PHF3: variants seen among roughly 807,000 people sequenced by gnomAD.
The protein encoded by PHF3 is PHD finger protein 3.
A neutral mutation model predicts 178.4 loss-of-function variants in PHF3; 41 were observed. The observed-to-expected ratio is 0.23, with a 90% CI of 0.18 to 0.30. The LOEUF is 0.30. Ranked by LOEUF, PHF3 falls within the 10% of genes least tolerant of loss-of-function variation. The probability of loss-of-function intolerance (pLI) is 1.00; values close to 1 mark genes in which losing one functional copy is unlikely to be tolerated. For missense variants in PHF3, 2,346 were observed against 2,398.1 expected (o/e 0.98, Z 0.45); for synonymous variants, 842 against 800.5 (o/e 1.05, Z -0.88).
chr6:63,698,932 AT>A (rs915029142), intron 8 of PHF3, among the ~76,000 whole-genome samples: 17 of 151,168 alleles, frequency 1.1e-4, no homozygotes, highest in South Asian at 2.1e-4. Flanking sequence ...TTATAACACT[AT>A]TTTTTTCTTA....
At chr6:63,682,927 A>C (rs934265962) in intron 3 of PHF3, among the ~76,000 whole-genome samples, 30 of 152,118 alleles carry the variant, frequency 2.0e-4, no homozygotes, top group Non-Finnish European at 3.4e-4. Context: ...ATAGAGCTGT[A>C]AATTACTATA....
At chr6:63,709,296 GT>G in intron 14 of PHF3, 56 bp downstream of exon 14, 1 of 1,178,930 alleles carries the variant, frequency 8.5e-7, no homozygotes, top group Non-Finnish European at 1.3e-6. Flanking sequence ...AAAGTAAACA[GT>G]TTAGAATTCT....
intron 11 of PHF3, 33 bp from the exon 12 acceptor site, chr6:63,705,996 C>T (rs1767672760): frequency 7.2e-6 from 11 of 1,518,460 alleles, no homozygotes; most frequent in Admixed American, 2.0e-5. Context: ...TTGTAGTTAA[C>T]AGTTGGTTTC....
At chr6:63,706,681 T>G in intron 12 of PHF3, 48 bp from the exon 13 acceptor site, 1 of 1,578,598 alleles carries the variant, frequency 6.3e-7, no homozygotes, top group Non-Finnish European at 8.7e-7. Context: ...GGTAGGACAT[T>G]GATTTATTCA....
rs1439815058 is a variant in PHF3 at position 63,723,157 on chromosome 6, C to A, written c.*9449C>A. Reference sequence around the variant, plus strand: ...AATAGTTTTAGCTTGAAAGCAAAAACTTTTTTCCTATAATGACATGAAAAT... The same window carrying A: ...AATAGTTTTAGCTTGAAAGCAAAAAATTTTTTCCTATAATGACATGAAAAT... On this transcript the variant is annotated 3_prime_UTR_variant, in exon 16 of 16. Transcript: ENST00000262043. 6.6e-6 allele frequency among the ~76,000 whole-genome samples: 1 copy of A among 152,102 alleles called. No homozygotes were observed. Among genetic ancestry groups the A allele is most frequent in the Non-Finnish European group, 1.5e-5 (1 of 67,996 alleles).
chr6:63,711,329 A>G lies in PHF3; in HGVS notation c.3964A>G (p.Ile1322Val), dbSNP rs1767917305. 2 of 1,612,648 alleles carry G rather than the reference A, an allele frequency of 1.2e-6. No individual in the cohort carries two copies. Among genetic ancestry groups the G allele is most frequent in the Non-Finnish European group, 1.7e-6 (2 of 1,179,400 alleles). ...YLIPLGATDK[I>V]PHPLVPFDGP... ...TATTCCTTTGGGTGCCACAGATAAAATTCCACACCCTCTTGTGCCTTTTGA... is the reference window on the plus strand; with the variant it reads ...TATTCCTTTGGGTGCCACAGATAAAGTTCCACACCCTCTTGTGCCTTTTGA... Residue 1322 changes from isoleucine to valine, a missense_variant, in exon 15 of 16, where the codon ATT (isoleucine) becomes GTT (valine). Ile to Val is a conservative substitution (Grantham distance 29). This residue lies in a region of PHF3 where 90 missense variants were observed against 136.6 expected (regional missense o/e 0.66). Transcript: ENST00000262043.
At chr6:63,669,999 A>G (rs1013102283) in intron 2 of PHF3, among the ~76,000 whole-genome samples, 8 of 151,964 alleles carry the variant, frequency 5.3e-5, no homozygotes, top group Admixed American at 6.6e-5. Flanking sequence ...TAAGGTTCAT[A>G]TCTTTAATCT....
At position 63,724,082 on chromosome 6, in the gene PHF3, C is replaced by T. The variant is rs1182980130; in HGVS notation, c.*10374C>T. ...TCGGCCTCCCAAAGTGGTGGGATTACAGGCATATGCCACTGCACCTGGCCT... is the reference window on the plus strand; with the variant it reads ...TCGGCCTCCCAAAGTGGTGGGATTATAGGCATATGCCACTGCACCTGGCCT... On this transcript the variant is annotated 3_prime_UTR_variant, in exon 16 of 16. Coordinates refer to ENST00000262043, the MANE Select transcript of PHF3 (RefSeq NM_001370348.2). Among the ~76,000 whole-genome samples, 1 of 152,166 alleles carries T rather than the reference C, an allele frequency of 6.6e-6. No individual in the cohort carries two copies. The highest frequency in any genetic ancestry group is 2.4e-5 in the African/African-American group (1 of 41,440).
At chr6:63,639,273 A>G (rs1454505882) in intron 1 of PHF3, among the ~76,000 whole-genome samples, 1 of 152,186 alleles carries the variant, frequency 6.6e-6, no homozygotes, top group Non-Finnish European at 1.5e-5. Context: ...AGCGTGGTAG[A>G]TTATACAGAA....
At position 63,654,267 on chromosome 6, in the gene PHF3, T is replaced by G. The variant is rs542954112; in HGVS notation, c.244+7472T>G. Among the ~76,000 whole-genome samples, 7 of 152,298 alleles carry G rather than the reference T, an allele frequency of 4.6e-5. 2 individuals carry two copies. Among genetic ancestry groups the G allele is most frequent in the African/African-American group, 1.7e-4 (7 of 41,560 alleles). On this transcript the variant is annotated intron_variant, in intron 2 of 15. Coordinates refer to ENST00000262043, the MANE Select transcript of PHF3 (RefSeq NM_001370348.2). The stretch of plus-strand genomic sequence containing the variant: ...GGGCTTTTCTTTGATGGGAGACTTA[T>G]TATTACAGAGACAATCATGGTTGAA...
chr6:63,641,075 A>T (rs1764549370), intron 1 of PHF3, among the ~76,000 whole-genome samples: 1 of 152,234 alleles, frequency 6.6e-6, no homozygotes. Context: ...TACTGGTGGT[A>T]GTTTGTTCTT....
intron 2 of PHF3, among the ~76,000 whole-genome samples, chr6:63,647,998 C>T (rs1052656572): frequency 3.3e-5 from 5 of 152,028 alleles, no homozygotes; most frequent in Admixed American, 1.3e-4. Flanking sequence ...AAATTTAATA[C>T]GGCAATACTT....
At chr6:63,652,289 T>G (rs1023231610) in intron 2 of PHF3, among the ~76,000 whole-genome samples, 1 of 152,212 alleles carries the variant, frequency 6.6e-6, no homozygotes, top group African/African-American at 2.4e-5. Context: ...CCCAGATGAT[T>G]AGTGAAGTTG....
chr6:63,667,952 CA>C (rs966944085), intron 2 of PHF3, among the ~76,000 whole-genome samples: 1 of 152,164 alleles, frequency 6.6e-6, no homozygotes, highest in African/African-American at 2.4e-5. Flanking sequence ...GTAGTGAGAG[CA>C]AAATCTCTTC....
intron 2 of PHF3, among the ~76,000 whole-genome samples, chr6:63,665,466 T>G (rs1040301787): frequency 6.6e-5 from 10 of 151,136 alleles, no homozygotes; most frequent in African/African-American, 2.2e-4. Flanking sequence ...AATTACTGTT[T>G]CGCTTTGTGG....
chr6:63,649,922 A>C (rs1764951650), intron 2 of PHF3, among the ~76,000 whole-genome samples: 3 of 152,208 alleles, frequency 2.0e-5, no homozygotes, highest in Admixed American at 2.0e-4. Flanking sequence ...AAATCACTGA[A>C]ATGGTGTTTA....
At chr6:63,705,192 T>C (rs1767637530) in intron 11 of PHF3, among the ~76,000 whole-genome samples, 2 of 152,230 alleles carry the variant, frequency 1.3e-5, no homozygotes, top group South Asian at 4.1e-4. Context: ...CTATTGGAAT[T>C]TGGTAAAATT....
intron 14 of PHF3, 108 bp from the exon 15 acceptor site, chr6:63,711,059 C>T (rs1767905627): frequency 7.1e-6 from 5 of 703,940 alleles, no homozygotes; most frequent in South Asian, 2.6e-5. Context: ...TTATTTGGTA[C>T]CATCATTATA....
At position 63,721,359 on chromosome 6, in the gene PHF3, GTACA is replaced by G. The variant is rs1263291101; in HGVS notation, c.*7653_*7656del. 1 of 1,551,864 alleles carries G rather than the reference GTACA, an allele frequency of 6.4e-7. No homozygotes were observed. Among genetic ancestry groups the G allele is most frequent in the Non-Finnish European group, 8.7e-7 (1 of 1,146,960 alleles). ...GCAAGAAAAAGTTGTGCCATTTACT[GTACA>G]TTCACCTCCATTTCTGCATGTGTTG... On this transcript the variant is annotated 3_prime_UTR_variant, in exon 16 of 16. Transcript: ENST00000262043.
Sources: gnomAD v4.1 joint callset for allele counts (sites outside exome capture counted in the v4.1 genomes callset) on GRCh38, gnomAD v4.1.1 for gene constraint, gnomAD v4.1.1 regional missense constraint, MANE v1.5 for transcripts, NCBI Gene and HGNC (gene_info 2026-07-23, HGNC 2026-07-21) for gene names.